The following FAM228B variants were observed in gnomAD, a reference collection of about 807,000 sequenced individuals.
FAM228B encodes the protein family with sequence similarity 228 member B.
A neutral mutation model predicts 42.6 loss-of-function variants in FAM228B; 38 were observed. The observed-to-expected ratio is 0.89, with a 90% CI of 0.69 to 1.17. The LOEUF (loss-of-function observed/expected upper bound fraction) is 1.17. Among genes scored for constraint, FAM228B ranks in the 50% most tolerant of loss-of-function variants. The probability of loss-of-function intolerance (pLI) is 0.00; values close to 1 mark genes in which losing one functional copy is unlikely to be tolerated. For missense variants in FAM228B, 344 were observed against 367.3 expected (o/e 0.94, Z 0.52); for synonymous variants, 109 against 122.3 (o/e 0.89, Z 0.72).
chr2:24,101,015 A>C (rs10201331), intron 3 of FAM228B, among the ~76,000 whole-genome samples: 2 of 152,142 alleles, frequency 1.3e-5, no homozygotes. Context: ...TCACAAGGAC[A>C]GAAAACCAAA....
chr2:24,129,140 A>G (rs1230831130), intron 2 of FAM228B, among the ~76,000 whole-genome samples: 3 of 151,946 alleles, frequency 2.0e-5, no homozygotes. Context: ...TCCTCCCTCT[A>G]GTACTCTAAC....
Position 24,077,495 on chromosome 2 carries a change from T to A in FAM228B, c.-290+526T>A, listed in dbSNP as rs1664801226. 4.2e-6 allele frequency: 6 copies of A among 1,439,898 alleles called. No homozygotes were observed. Among genetic ancestry groups the A allele is most frequent in the Non-Finnish European group, 3.7e-6 (4 of 1,078,742 alleles). 89.2% of individuals were successfully genotyped at this position (1,439,898 alleles called of 1,614,324 possible). ...ACGGCTCTGGAGGAAGCACCGGGTTTCTTGGCCTGTCTATTGTGAATCTTC... is the reference window on the plus strand; with the variant it reads ...ACGGCTCTGGAGGAAGCACCGGGTTACTTGGCCTGTCTATTGTGAATCTTC... On this transcript the variant is annotated intron_variant, in intron 1 of 10. Coordinates refer to the FAM228B transcript ENST00000613899. This position sits in a 1 kb window ranked among gnomAD's most constrained non-coding sequence, Gnocchi z 5.5.
intron 3 of FAM228B, among the ~76,000 whole-genome samples, chr2:24,098,168 A>G (rs1665539438): frequency 6.6e-6 from 1 of 152,204 alleles, no homozygotes; most frequent in South Asian, 2.1e-4. Context: ...CTAAACACCC[A>G]CAAGAGAAAG....
intron 3 of FAM228B, among the ~76,000 whole-genome samples, chr2:24,109,838 G>T (rs1203155421): frequency 6.6e-6 from 1 of 152,204 alleles, no homozygotes; most frequent in Non-Finnish European, 1.5e-5. Flanking sequence ...GCTGATGGGA[G>T]TGTAAATTAG....
chr2:24,131,266 C>T (rs566962153), intron 2 of FAM228B, among the ~76,000 whole-genome samples: 1 of 152,266 alleles, frequency 6.6e-6, no homozygotes, highest in East Asian at 1.9e-4. Context: ...TAGCGTGATG[C>T]CTCCAGCTTT....
intron 5 of FAM228B, chr2:24,142,369 C>G (rs1021750922): frequency 1.3e-5 from 2 of 152,210 alleles, no homozygotes; most frequent in African/African-American, 4.8e-5. Flanking sequence ...ACTTTAGGAA[C>G]ATAGAGGCTT....
intron 7 of FAM228B, among the ~76,000 whole-genome samples, chr2:24,156,578 G>T (rs1188138060): frequency 6.6e-6 from 1 of 152,152 alleles, no homozygotes; most frequent in African/African-American, 2.4e-5. Flanking sequence ...AGGTTGCAGT[G>T]AGCCGAGATC....
At chr2:24,109,869 G>A (rs924564003) in intron 3 of FAM228B, among the ~76,000 whole-genome samples, 1 of 152,216 alleles carries the variant, frequency 6.6e-6, no homozygotes, top group Non-Finnish European at 1.5e-5. Context: ...GTAGAAATAA[G>A]TGTGGCAACT....
chr2:24,166,054 A>AAAAAATAT (rs56146407), intron 9 of FAM228B: 3 of 81,030 alleles, frequency 3.7e-5, no homozygotes, highest in African/African-American at 1.2e-4. Flanking sequence ...AAAAAAAAAA[A>AAAAAATAT]ATATATATAT....
At chr2:24,136,425 C>T (rs1453406995) in intron 3 of FAM228B, among the ~76,000 whole-genome samples, 1 of 152,222 alleles carries the variant, frequency 6.6e-6, no homozygotes, top group African/African-American at 2.4e-5. Context: ...GGTTTCACCA[C>T]ATTGGCCAGG....
rs951237558 is a variant in FAM228B at position 24,123,491 on chromosome 2, C to A, written c.-75C>A. 6 of 152,166 alleles carry A rather than the reference C, an allele frequency of 3.9e-5. No homozygotes were observed. Among genetic ancestry groups the A allele is most frequent in the Admixed American group, 2.6e-4 (4 of 15,282 alleles). 9.4% of individuals were successfully genotyped at this position (152,166 alleles called of 1,614,324 possible). A position where few individuals can be genotyped will look rare whatever the true frequency, so the allele number is the denominator to read the frequency against. On this transcript the variant is annotated 5_prime_UTR_variant, in exon 1 of 11. Transcript: ENST00000615575. ...CGCGGACTCGCTGTGGAACCCGCGGCGCAGGGGGCGGAGTGCTCGCGCGGC... is the reference window on the plus strand; with the variant it reads ...CGCGGACTCGCTGTGGAACCCGCGGAGCAGGGGGCGGAGTGCTCGCGCGGC...
chr2:24,119,485 C>A, upstream of FAM228B: 1 of 870,404 alleles, frequency 1.1e-6, no homozygotes, highest in Admixed American at 2.3e-5. Context: ...CTCCTTTCTG[C>A]CCTAGCTGGT....
At position 24,104,020 on chromosome 2, in the gene FAM228B, A is replaced by G. The variant is rs149573992; in HGVS notation, c.-121+8791A>G. Among the ~76,000 whole-genome samples the G allele has an allele frequency of 1.4e-3, 206 of 152,296 alleles. 1 individual carries two copies. Among genetic ancestry groups the G allele is most frequent in the African/African-American group, 4.9e-3 (202 of 41,556 alleles). ...GTGCTGCTGTTTTGGAGAAGAAACAAAAGGACTAGCAAACACTGAGCTGCA... is the reference window on the plus strand; with the variant it reads ...GTGCTGCTGTTTTGGAGAAGAAACAGAAGGACTAGCAAACACTGAGCTGCA... On this transcript the variant is annotated intron_variant, in intron 3 of 10. Transcript: ENST00000613899.
chr2:24,153,147 A>G (rs1667060105), intron 7 of FAM228B, among the ~76,000 whole-genome samples: 1 of 152,218 alleles, frequency 6.6e-6, no homozygotes, highest in Non-Finnish European at 1.5e-5. Context: ...GCCCAGGCCC[A>G]GACTCAGGGA....
At chr2:24,126,085 G>C (rs998339243) in intron 2 of FAM228B, among the ~76,000 whole-genome samples, 3 of 152,152 alleles carry the variant, frequency 2.0e-5, no homozygotes, top group African/African-American at 7.2e-5. Flanking sequence ...GGACATTTGG[G>C]TTGATTCCAG....
At chr2:24,097,429 G>C (rs1297747797) in intron 3 of FAM228B, 1 of 90,436 alleles carries the variant, frequency 1.1e-5, no homozygotes, top group Non-Finnish European at 2.1e-5. Context: ...GATGGAGGAA[G>C]ATATACCAAG....
intron 3 of FAM228B, among the ~76,000 whole-genome samples, chr2:24,117,814 T>A (rs891666567): frequency 2.6e-5 from 4 of 152,170 alleles, no homozygotes; most frequent in Non-Finnish European, 4.4e-5. Context: ...AATATTTTTT[T>A]AAAAAGGAGT....
chr2:24,079,420 GTTTTC>G (rs754012924), intron 1 of FAM228B: 1 of 1,610,838 alleles, frequency 6.2e-7, no homozygotes, highest in Non-Finnish European at 8.5e-7. Context: ...TAAATCACAT[GTTTTC>G]TTTTCATTCA....
In FAM228B at chr2:24,077,539, A is replaced by G; in HGVS notation, c.-290+570A>G. 1 of 1,570,438 alleles carries G rather than the reference A, an allele frequency of 6.4e-7. No individual in the cohort carries two copies. On this transcript the variant is annotated intron_variant, in intron 1 of 10. Transcript: ENST00000613899. The surrounding 1 kb of genome is among the most constrained non-coding windows in gnomAD (Gnocchi z 5.5). Reference sequence around the variant, plus strand: ...AATCTTCTCCAGGTTTGCTCTGGAAAGGCCTGGGGTGGCCGCGTCCTGTCC... The same window carrying G: ...AATCTTCTCCAGGTTTGCTCTGGAAGGGCCTGGGGTGGCCGCGTCCTGTCC...
Sources: gnomAD v4.1 joint callset for allele counts (sites outside exome capture counted in the v4.1 genomes callset) on GRCh38, gnomAD v4.1.1 for gene constraint, Gnocchi (gnomAD v3.1) non-coding constraint, MANE v1.5 for transcripts, NCBI Gene and HGNC (gene_info 2026-07-23, HGNC 2026-07-21) for gene names.